EZH2: variants seen among roughly 807,000 people sequenced by gnomAD.
EZH2 encodes the protein histone-lysine N-methyltransferase EZH2.
Under a neutral mutation model 98.4 loss-of-function variants are expected in EZH2, and 18 were observed. The ratio of observed to expected loss-of-function variants is 0.18; its 90% CI spans 0.13 to 0.27. EZH2 has a LOEUF of 0.27. Among genes scored for constraint, EZH2 ranks in the 10% least tolerant of loss-of-function variants. The probability of loss-of-function intolerance (pLI) is 1.00; values close to 1 mark genes in which losing one functional copy is unlikely to be tolerated. For missense variants in EZH2, 470 were observed against 935.1 expected (o/e 0.50, Z 6.49); for synonymous variants, 338 against 312.3 (o/e 1.08, Z -0.87).
rs947173826 is a variant in EZH2, at chr7:148,818,885, T to C, written c.999+711A>G. 17 of 355,550 alleles carry C rather than the reference T, an allele frequency of 4.8e-5. 2 individuals carry two copies. Among genetic ancestry groups the C allele is most frequent in the South Asian group, 3.5e-4 (16 of 45,182 alleles). 22.0% of individuals were successfully genotyped at this position (355,550 alleles called of 1,614,324 possible). A position where few individuals can be genotyped will look rare whatever the true frequency, so the allele number is the denominator to read the frequency against. On this transcript the variant is annotated intron_variant, in intron 9 of 19. Transcript: ENST00000320356. The stretch of plus-strand genomic sequence containing the variant: ...ATAAAACAAGTGCTCAAGAATTCCA[T>C]TTTTTTAGTGGAAATAGAAGGGAGA...
chr7:148,847,797 T>C (rs946540033), intron 1 of EZH2, among the ~76,000 whole-genome samples: 1 of 152,214 alleles, frequency 6.6e-6, no homozygotes, highest in African/African-American at 2.4e-5. Flanking sequence ...TAATAAAATG[T>C]ACAAAGGTAC....
chr7:148,865,421 C>A (rs1254281990), intron 1 of EZH2, among the ~76,000 whole-genome samples: 1 of 152,196 alleles, frequency 6.6e-6, no homozygotes, highest in Non-Finnish European at 1.5e-5. Context: ...ACCCACCATT[C>A]CAGACACTAA....
intron 8 of EZH2, among the ~76,000 whole-genome samples, chr7:148,820,478 G>T (rs1270449692): frequency 6.7e-6 from 1 of 149,874 alleles, no homozygotes; most frequent in Non-Finnish European, 1.5e-5. Flanking sequence ...AGAAAAACAA[G>T]TGACATTTCC....
At chr7:148,881,869 G>A (rs1296761163) in intron 1 of EZH2, among the ~76,000 whole-genome samples, 2 of 150,990 alleles carry the variant, frequency 1.3e-5, no homozygotes, top group Non-Finnish European at 2.9e-5. Context: ...GGGAGGCAGA[G>A]ATTGTAGTGA....
intron 1 of EZH2, among the ~76,000 whole-genome samples, chr7:148,868,265 A>T (rs1026452150): frequency 1.3e-5 from 2 of 152,188 alleles, no homozygotes; most frequent in Admixed American, 1.3e-4. Flanking sequence ...TGGGTAATTT[A>T]TAAAGAAAAG....
At chr7:148,880,459 C>A (rs1282791237) in intron 1 of EZH2, among the ~76,000 whole-genome samples, 1 of 152,150 alleles carries the variant, frequency 6.6e-6, no homozygotes, top group Non-Finnish European at 1.5e-5. Context: ...GCAAAGAGAT[C>A]ATCAATATCA....
rs572216063 is a variant in EZH2 at position 148,842,434 on chromosome 7, AAGACCTAC to A, written c.246+4028_246+4035del. Among the ~76,000 whole-genome samples, 30 of 152,326 alleles carry A rather than the reference AAGACCTAC, an allele frequency of 2.0e-4. No individual in the cohort carries two copies. In the Middle Eastern group the frequency reaches 0.01, roughly 52 times the overall value. On this transcript the variant is annotated intron_variant, in intron 3 of 19. Transcript: ENST00000320356. Reference sequence around the variant, plus strand: ...AATGAAGAATATAACTACCAATATGAAGACCTACAGAACATAGTTATTACTGGTTGACA... The same window carrying A: ...AATGAAGAATATAACTACCAATATGAAGAACATAGTTATTACTGGTTGACA...
chr7:148,857,263 T>C (rs1816967475), intron 1 of EZH2, among the ~76,000 whole-genome samples: 2 of 152,166 alleles, frequency 1.3e-5, no homozygotes, highest in Admixed American at 6.5e-5. Context: ...CAGAAAAACT[T>C]AGGAGACATG....
At chr7:148,816,564 T>G in intron 12 of EZH2, 120 bp downstream of exon 12, 2 of 658,994 alleles carry the variant, frequency 3.0e-6, no homozygotes, top group Non-Finnish European at 2.7e-6. Context: ...CTGTTTTTGA[T>G]GGCAGTTTAA....
Position 148,809,301 on chromosome 7 carries a change from G to C in EZH2, c.2110+9C>G, listed in dbSNP as rs768904493. 5.6e-6 allele frequency: 9 copies of C among 1,599,356 alleles called. No individual in the cohort carries two copies. The highest frequency in any genetic ancestry group is 2.7e-5 in the African/African-American group (2 of 74,704). On this transcript the variant is annotated intron_variant, in intron 18 of 19. Coordinates refer to ENST00000320356, the MANE Select transcript of EZH2 (RefSeq NM_004456.5). Reference sequence around the variant, plus strand: ...AGGGAGTTCCAATTCTCACGTCAAAGGTACCTACCTTTTGCATAGCAGTTT... The same window carrying C: ...AGGGAGTTCCAATTCTCACGTCAAACGTACCTACCTTTTGCATAGCAGTTT...
chr7:148,868,971 A>G (rs1005200933), intron 1 of EZH2, among the ~76,000 whole-genome samples: 6 of 152,228 alleles, frequency 3.9e-5, no homozygotes, highest in African/African-American at 1.2e-4. Flanking sequence ...GGTAAATTCT[A>G]TAAGAAAAAT....
chr7:148,867,360 C>T (rs957873306), intron 1 of EZH2, among the ~76,000 whole-genome samples: 5 of 152,068 alleles, frequency 3.3e-5, no homozygotes, highest in Admixed American at 1.3e-4. Flanking sequence ...TTAAAAATTA[C>T]CCAGTCTCAG....
intron 1 of EZH2, among the ~76,000 whole-genome samples, chr7:148,864,683 C>CAA (rs200348491): frequency 0.04 from 3,246 of 81,320 alleles, 138 homozygotes; most frequent in African/African-American, 0.12. Flanking sequence ...GAGACTGTCT[C>CAA]AAAAAAAAAA....
intron 3 of EZH2, among the ~76,000 whole-genome samples, chr7:148,845,179 C>T (rs1471219502): frequency 6.6e-6 from 1 of 152,146 alleles, no homozygotes; most frequent in African/African-American, 2.4e-5. Context: ...TTTATTCCTC[C>T]AGAGAGAAAA....
rs185634245 is a variant in EZH2, at chr7:148,838,849, T to A, written c.247-6099A>T. Among the ~76,000 whole-genome samples, 276 of 152,144 alleles carry A rather than the reference T, an allele frequency of 1.8e-3. 2 individuals are homozygous for A. Among genetic ancestry groups the A allele is most frequent in the African/African-American group, 6.3e-3 (262 of 41,494 alleles). ...GGGCGGATCACTTGAGGTCAGGAGT[T>A]CAAGACCAGCCTAGCCAACATGGTG... On this transcript the variant is annotated intron_variant, in intron 3 of 19. Coordinates refer to ENST00000320356, the MANE Select transcript of EZH2 (RefSeq NM_004456.5).
At chr7:148,857,471 C>A (rs1816994075) in intron 1 of EZH2, among the ~76,000 whole-genome samples, 1 of 152,146 alleles carries the variant, frequency 6.6e-6, no homozygotes, top group South Asian at 2.1e-4. Context: ...CCAAAATAGG[C>A]CAGGTGCAGT....
chr7:148,819,696 T>C lies in EZH2; in HGVS notation c.908-9A>G, dbSNP rs764802919. On this transcript the variant is annotated splice_polypyrimidine_tract_variant and intron_variant, in intron 8 of 19. Coordinates refer to ENST00000320356, the MANE Select transcript of EZH2 (RefSeq NM_004456.5). Reference sequence around the variant, plus strand: ...GGGTGTTGCATGAAAAGCTGCAAAATAAATGAAACAAAGAATCTAATATAA... The same window carrying C: ...GGGTGTTGCATGAAAAGCTGCAAAACAAATGAAACAAAGAATCTAATATAA... The C allele has an allele frequency of 6.2e-7, 1 of 1,611,938 alleles. No individual in the cohort carries two copies. The highest frequency in any genetic ancestry group is 1.1e-5 in the South Asian group (1 of 90,912).
intron 8 of EZH2, among the ~76,000 whole-genome samples, chr7:148,825,398 A>T (rs900142788): frequency 2.6e-5 from 4 of 152,208 alleles, no homozygotes; most frequent in Admixed American, 1.3e-4. Context: ...TAATTCTAAA[A>T]ATCTACTTCA....
chr7:148,879,671 C>A (rs1820682508), intron 1 of EZH2, among the ~76,000 whole-genome samples: 1 of 152,088 alleles, frequency 6.6e-6, no homozygotes, highest in Admixed American at 6.5e-5. Flanking sequence ...GTCTAGGTGA[C>A]AGAGTGACAC....
Sources: allele counts gnomAD v4.1 joint callset (sites outside exome capture counted in the v4.1 genomes callset), GRCh38; gene constraint gnomAD v4.1.1; transcripts MANE v1.5; gene names NCBI Gene and HGNC (gene_info 2026-07-23, HGNC 2026-07-21).